Variants in CRY1 observed in about 807,000 individuals in gnomAD.
CRY1 encodes cryptochrome circadian regulator 1.
A neutral mutation model predicts 76.0 loss-of-function variants in CRY1; 45 were observed. That is an observed-to-expected ratio of 0.59 (90% CI 0.47 to 0.76). The LOEUF is 0.76. Among genes scored for constraint, CRY1 ranks in the 30% least tolerant of loss-of-function variants. The probability of loss-of-function intolerance (pLI) is 0.00; values close to 1 mark genes in which losing one functional copy is unlikely to be tolerated. For synonymous variants in CRY1, 248 were observed against 244.0 expected, an observed-to-expected ratio of 1.02 and a Z score of -0.15; for missense variants, 587 against 716.4, an observed-to-expected ratio of 0.82 and a Z score of 2.06.
chr12:107,079,994 A>T (rs1953303365), intron 1 of CRY1, among the ~76,000 whole-genome samples: 2 of 152,138 alleles, frequency 1.3e-5, no homozygotes, highest in South Asian at 4.1e-4. Flanking sequence ...CAAACAACCT[A>T]GGCAAAGAGA....
At chr12:107,053,606 C>T (rs142839236) in intron 1 of CRY1, among the ~76,000 whole-genome samples, 6 of 152,232 alleles carry the variant, frequency 3.9e-5, no homozygotes, top group East Asian at 3.9e-4. Flanking sequence ...GCATAAGCCA[C>T]GGTGGCCGGC....
At chr12:107,090,209 C>T (rs1953454169) in intron 1 of CRY1, among the ~76,000 whole-genome samples, 1 of 152,120 alleles carries the variant, frequency 6.6e-6, no homozygotes, top group South Asian at 2.1e-4. Context: ...CCTGCCTCAG[C>T]CTCCTCGAGT....
chr12:107,069,011 G>C (rs892872935), intron 1 of CRY1, among the ~76,000 whole-genome samples: 2 of 152,150 alleles, frequency 1.3e-5, no homozygotes, highest in African/African-American at 2.4e-5. Context: ...ATTGTGAATA[G>C]TGCTGCTATG....
At chr12:107,026,659 T>A (rs1952619629) in intron 1 of CRY1, among the ~76,000 whole-genome samples, 1 of 152,142 alleles carries the variant, frequency 6.6e-6, no homozygotes. Flanking sequence ...GGGTGTCTTG[T>A]GTAACTGTTG....
intron 2 of CRY1, among the ~76,000 whole-genome samples, chr12:107,011,215 T>A (rs1041346644): frequency 2.6e-5 from 4 of 152,082 alleles, no homozygotes; most frequent in African/African-American, 9.7e-5. Flanking sequence ...CTGGGCATGG[T>A]GGCATGTGCC....
chr12:107,085,286 C>A (rs935287125), intron 1 of CRY1, among the ~76,000 whole-genome samples: 2 of 152,154 alleles, frequency 1.3e-5, no homozygotes, highest in African/African-American at 4.8e-5. Context: ...ACAGAAATAT[C>A]ATTTGACCCA....
intron 1 of CRY1, among the ~76,000 whole-genome samples, chr12:107,024,787 T>C (rs1338115613): frequency 6.6e-6 from 1 of 152,242 alleles, no homozygotes; most frequent in Non-Finnish European, 1.5e-5. Context: ...GTTTTGGTAC[T>C]TCATGAAACA....
At chr12:106,994,888 G>C (rs1283022174) in intron 10 of CRY1, among the ~76,000 whole-genome samples, 1 of 152,244 alleles carries the variant, frequency 6.6e-6, no homozygotes, top group Non-Finnish European at 1.5e-5. Context: ...TGATTATCTT[G>C]TGGAAGTTTA....
chr12:107,031,825 G>A (rs1952678592), intron 1 of CRY1, among the ~76,000 whole-genome samples: 1 of 152,304 alleles, frequency 6.6e-6, no homozygotes, highest in Admixed American at 6.5e-5. Context: ...CAAAGGAGAC[G>A]TATGACTAGA....
In CRY1 at chr12:106,991,633, GA is replaced by G. The variant is rs1188457683; in HGVS notation, c.*368del. The G allele has an allele frequency of 6.6e-6, 1 of 152,538 alleles. No homozygotes were observed. Among genetic ancestry groups the G allele is most frequent in the Non-Finnish European group, 1.5e-5 (1 of 68,006 alleles). The allele number at this position is 152,538 out of a possible 1,614,324, so 9.4% of individuals were successfully genotyped here. A position where few individuals can be genotyped will look rare whatever the true frequency, so the allele number is the denominator to read the frequency against. On this transcript the variant is annotated 3_prime_UTR_variant, in exon 13 of 13. Coordinates refer to ENST00000008527, the MANE Select transcript of CRY1 (RefSeq NM_004075.5). Reference sequence around the variant, plus strand: ...GTCCTAAAATTTTAACGTCTTTTAAGAAAGTCTAAAAACCTCCTTTTTTCCC... The same window carrying G: ...GTCCTAAAATTTTAACGTCTTTTAAGAAGTCTAAAAACCTCCTTTTTTCCC...
intron 2 of CRY1, among the ~76,000 whole-genome samples, chr12:107,021,402 A>AG (rs1252754867): frequency 1.3e-5 from 2 of 152,248 alleles, no homozygotes; most frequent in African/African-American, 4.8e-5. Context: ...GGCCCATGTG[A>AG]GCAAAGATTC....
At position 107,093,129 on chromosome 12, in the gene CRY1, G is replaced by A. The variant is rs1953496685; in HGVS notation, c.-168C>T. ...CGAGGAGGGGACCGGAGAAGGCGGG[G>A]GCGCCGGAGGCGCAGTGGAAAGATG... On this transcript the variant is annotated 5_prime_UTR_variant, in exon 1 of 13. Transcript: ENST00000008527. The A allele has an allele frequency of 1.3e-6, 1 of 774,272 alleles. No individual in the cohort carries two copies. The highest frequency in any genetic ancestry group is 1.8e-5 in the African/African-American group (1 of 56,070). The allele number at this position is 774,272 out of a possible 1,614,324, so 48.0% of individuals were successfully genotyped here.
At chr12:107,091,116 T>G (rs1298516088) in intron 1 of CRY1, among the ~76,000 whole-genome samples, 2 of 152,046 alleles carry the variant, frequency 1.3e-5, no homozygotes, top group Admixed American at 6.5e-5. Flanking sequence ...CTCAGCTCAC[T>G]GCAACCTCCG....
chr12:107,000,164 T>A (rs968696016), intron 5 of CRY1, 82 bp from the exon 6 acceptor site: 37 of 1,328,256 alleles, frequency 2.8e-5, no homozygotes, highest in Non-Finnish European at 3.5e-5. Context: ...TTTTTTTTTT[T>A]AAAGTTACAT....
intron 1 of CRY1, among the ~76,000 whole-genome samples, chr12:107,030,694 A>G (rs923858273): frequency 9.3e-5 from 14 of 151,206 alleles, no homozygotes; most frequent in African/African-American, 3.2e-4. Context: ...ACAATATCTA[A>G]GCACTGATAT....
At chr12:107,076,648 T>C (rs1418572857) in intron 1 of CRY1, among the ~76,000 whole-genome samples, 1 of 151,354 alleles carries the variant, frequency 6.6e-6, no homozygotes, top group Non-Finnish European at 1.5e-5. Context: ...TCTCTTTTCA[T>C]GTAAGTACAC....
At chr12:107,059,178 T>C (rs1953019931) in intron 1 of CRY1, among the ~76,000 whole-genome samples, 1 of 152,198 alleles carries the variant, frequency 6.6e-6, no homozygotes, top group African/African-American at 2.4e-5. Context: ...TATTTTCTAG[T>C]CTATTTCATT....
At chr12:107,092,769 C>T (rs1401387434) in intron 1 of CRY1, 35 bp downstream of exon 1, 3 of 1,608,804 alleles carry the variant, frequency 1.9e-6, no homozygotes, top group South Asian at 1.1e-5. Context: ...ACTCATTAAA[C>T]ACCCAAATCC....
At chr12:107,016,312 A>G (rs1375274719) in intron 2 of CRY1, among the ~76,000 whole-genome samples, 1 of 152,236 alleles carries the variant, frequency 6.6e-6, no homozygotes, top group South Asian at 2.1e-4. Context: ...TTGGTCTCAA[A>G]AAACAAAAAT....
Sources: allele counts gnomAD v4.1 joint callset (sites outside exome capture counted in the v4.1 genomes callset), GRCh38; gene constraint gnomAD v4.1.1; transcripts MANE v1.5; gene names NCBI Gene and HGNC (gene_info 2026-07-23, HGNC 2026-07-21).